PARD3B: variants seen among roughly 807,000 people sequenced by gnomAD.
The protein encoded by PARD3B is par-3 family cell polarity regulator beta, also known as partitioning defective 3 homolog B.
In PARD3B, 103 loss-of-function variants were observed where a neutral mutation model predicts 130.2. The observed-to-expected ratio is 0.79, with a 90% CI of 0.67 to 0.93. The LOEUF (loss-of-function observed/expected upper bound fraction) is 0.93. Ranked by LOEUF, PARD3B falls within the 40% of genes least tolerant of loss-of-function variation. The pLI is 0.00. For synonymous variants in PARD3B, 583 were observed against 553.2 expected, an observed-to-expected ratio of 1.05 and a Z score of -0.76; for missense variants, 1,609 against 1,499.2, an observed-to-expected ratio of 1.07 and a Z score of -1.21.
At chr2:205,056,376 A>G (rs1362006553) in intron 4 of PARD3B, among the ~76,000 whole-genome samples, 1 of 152,018 alleles carries the variant, frequency 6.6e-6, no homozygotes, top group African/African-American at 2.4e-5. Context: ...TAGAATTCCC[A>G]TTTAGATGAA....
At chr2:205,254,959 C>G (rs1042197428) in intron 16 of PARD3B, among the ~76,000 whole-genome samples, 1 of 152,032 alleles carries the variant, frequency 6.6e-6, no homozygotes, top group African/African-American at 2.4e-5. Context: ...CCACCGCGCC[C>G]GGCCGAAGTT....
intron 18 of PARD3B, chr2:205,348,127 G>A (rs1398756673): frequency 6.6e-6 from 1 of 152,242 alleles, no homozygotes; most frequent in Non-Finnish European, 1.5e-5. Flanking sequence ...CCTCAGAAGA[G>A]TGTGGACTCA....
chr2:205,158,964 T>G lies in PARD3B; in HGVS notation c.1620+57T>G. ...AGAAGGCACTTGGAGATGTGACTGT[T>G]GTACTTAGAGACTGAATGGAGAAAG... On this transcript the variant is annotated intron_variant, in intron 11 of 22. Coordinates refer to ENST00000406610, the MANE Select transcript of PARD3B (RefSeq NM_001302769.2). This position sits in a 1 kb window ranked among gnomAD's most constrained non-coding sequence, Gnocchi z 5.4. 6.4e-7 allele frequency: 1 copy of G among 1,574,502 alleles called. No homozygotes were observed. The highest frequency in any genetic ancestry group is 8.7e-7 in the Non-Finnish European group (1 of 1,149,154).
At chr2:205,028,689 G>T (rs1413385432) in intron 3 of PARD3B, among the ~76,000 whole-genome samples, 1 of 152,028 alleles carries the variant, frequency 6.6e-6, no homozygotes, top group Non-Finnish European at 1.5e-5. Context: ...GAGCAATTAG[G>T]CAAGAAAAAC....
At chr2:205,376,927 A>C (rs1330798416) in intron 18 of PARD3B, among the ~76,000 whole-genome samples, 4 of 152,186 alleles carry the variant, frequency 2.6e-5, no homozygotes, top group African/African-American at 9.7e-5. Flanking sequence ...TTTTTTAAAA[A>C]GACTGGAAAA....
At position 205,121,583 on chromosome 2, in the gene PARD3B, C is replaced by A. The variant is rs568986591; in HGVS notation, c.807-8C>A. ...GGGTCATCATACATTTATCAACTTT[C>A]TTTCCAGGGCTCAAGATGTCTTCCG... On this transcript the variant is annotated splice_polypyrimidine_tract_variant and splice_region_variant and intron_variant, in intron 7 of 22. Coordinates refer to ENST00000406610, the MANE Select transcript of PARD3B (RefSeq NM_001302769.2). The surrounding 1 kb of genome is among the most constrained non-coding windows in gnomAD (Gnocchi z 5.0). 6.2e-7 allele frequency: 1 copy of A among 1,608,510 alleles called. No homozygotes were observed. The highest frequency in any genetic ancestry group is 8.5e-7 in the Non-Finnish European group (1 of 1,175,856).
At chr2:205,172,733 G>T (rs112794305) in intron 12 of PARD3B, among the ~76,000 whole-genome samples, 59 of 152,110 alleles carry the variant, frequency 3.9e-4, no homozygotes, top group Non-Finnish European at 6.5e-4. Context: ...TGTTTAATGT[G>T]GAGATCATTG....
chr2:205,264,082 C>T (rs1051532317), intron 16 of PARD3B, among the ~76,000 whole-genome samples: 2 of 150,818 alleles, frequency 1.3e-5, no homozygotes, highest in Non-Finnish European at 3.0e-5. Context: ...GACTTTGAGG[C>T]TAGAAGATCA....
intron 2 of PARD3B, among the ~76,000 whole-genome samples, chr2:204,830,921 C>A (rs1400939370): frequency 6.6e-6 from 1 of 152,148 alleles, no homozygotes; most frequent in Non-Finnish European, 1.5e-5. Flanking sequence ...ATTTGGTAAG[C>A]AAATGTGCTT....
chr2:204,879,515 A>G (rs1250596288), intron 2 of PARD3B, among the ~76,000 whole-genome samples: 1 of 152,148 alleles, frequency 6.6e-6, no homozygotes, highest in Non-Finnish European at 1.5e-5. Context: ...GCATCTTACA[A>G]TGACATGGTC....
At chr2:205,275,763 G>C (rs1014463216) in intron 16 of PARD3B, among the ~76,000 whole-genome samples, 7 of 150,762 alleles carry the variant, frequency 4.6e-5, no homozygotes, top group African/African-American at 1.5e-4. Flanking sequence ...CTTGAACCTG[G>C]GAGGCGGAGG....
At position 204,677,686 on chromosome 2, in the gene PARD3B, G is replaced by A. The variant is rs903835666; in HGVS notation, c.121-8495G>A. Among the ~76,000 whole-genome samples the A allele has an allele frequency of 6.6e-6, 1 of 152,098 alleles. No individual in the cohort carries two copies. The highest frequency in any genetic ancestry group is 2.4e-5 in the African/African-American group (1 of 41,408). On this transcript the variant is annotated intron_variant, in intron 1 of 22. Coordinates refer to ENST00000406610, the MANE Select transcript of PARD3B (RefSeq NM_001302769.2). This position sits in a 1 kb window ranked among gnomAD's most constrained non-coding sequence, Gnocchi z 4.1. ...TCCTTGTATTATCATAGCCTAAGAT[G>A]GTAATAATAATATTTTTAGCAGACT...
intron 2 of PARD3B, among the ~76,000 whole-genome samples, chr2:204,783,238 CTGGTGTAATCATAATCAG>C (rs2041900266): frequency 6.6e-6 from 1 of 152,212 alleles, no homozygotes; most frequent in African/African-American, 2.4e-5. Context: ...TGGAGGGAAC[CTGGTGTAATCATAATCAG>C]TGTATATTAG....
chr2:205,075,832 A>G (rs989406411), intron 4 of PARD3B, among the ~76,000 whole-genome samples: 5 of 152,072 alleles, frequency 3.3e-5, no homozygotes, highest in Admixed American at 6.6e-5. Context: ...TGTACCATTC[A>G]AAGTAGGAAT....
chr2:204,697,324 A>G (rs1445158445), intron 2 of PARD3B, among the ~76,000 whole-genome samples: 3 of 152,152 alleles, frequency 2.0e-5, no homozygotes, highest in Admixed American at 6.5e-5. Flanking sequence ...ACAATTGAGA[A>G]GAGAGGGTTC....
intron 2 of PARD3B, among the ~76,000 whole-genome samples, chr2:204,762,114 C>CTTT (rs1559124381): frequency 1.2e-4 from 14 of 121,694 alleles, no homozygotes; most frequent in African/African-American, 4.3e-4. Flanking sequence ...CCTTCTTTTT[C>CTTT]TATTTTTTTT....
In PARD3B at chr2:205,253,840, G is replaced by T. The variant is rs1049729399; in HGVS notation, c.2185+8018G>T. On this transcript the variant is annotated intron_variant, in intron 16 of 22. Coordinates refer to ENST00000406610, the MANE Select transcript of PARD3B (RefSeq NM_001302769.2). The surrounding 1 kb of genome is among the most constrained non-coding windows in gnomAD (Gnocchi z 4.4). ...GATATGGGTGTGAGAAGCTTCAATT[G>T]AGAAAGCTGCTGAGAAAGTAGAATT... Among the ~76,000 whole-genome samples the T allele has an allele frequency of 2.6e-5, 4 of 152,054 alleles. No individual in the cohort carries two copies. The highest frequency in any genetic ancestry group is 9.7e-5 in the African/African-American group (4 of 41,418).
intron 21 of PARD3B, among the ~76,000 whole-genome samples, chr2:205,534,241 A>G (rs908178814): frequency 6.6e-6 from 1 of 152,220 alleles, no homozygotes; most frequent in African/African-American, 2.4e-5. Context: ...ATAGACAATA[A>G]ACAAGTAAAG....
At chr2:205,195,895 C>G (rs2036657046) in intron 15 of PARD3B, among the ~76,000 whole-genome samples, 2 of 151,460 alleles carry the variant, frequency 1.3e-5, no homozygotes, top group Admixed American at 1.3e-4. Context: ...TTTATAAAGT[C>G]TGTAGGAATC....
Sources: allele counts gnomAD v4.1 joint callset (sites outside exome capture counted in the v4.1 genomes callset), GRCh38; gene constraint gnomAD v4.1.1; non-coding constraint Gnocchi (gnomAD v3.1); transcripts MANE v1.5; gene names NCBI Gene and HGNC (gene_info 2026-07-23, HGNC 2026-07-21).